Variants in NEK11 observed in about 807,000 individuals in gnomAD.
NEK11 encodes serine/threonine-protein kinase Nek11.
A neutral mutation model predicts 80.7 loss-of-function variants in NEK11; 72 were observed. The ratio of observed to expected loss-of-function variants is 0.89; its 90% CI spans 0.74 to 1.08. The LOEUF is 1.08. Among genes scored for constraint, NEK11 ranks in the 50% least tolerant of loss-of-function variants. NEK11 has a pLI of 0.00. For missense variants in NEK11, 764 were observed against 763.6 expected, an observed-to-expected ratio of 1.00 and a Z score of -0.01; for synonymous variants, 251 against 260.7, an observed-to-expected ratio of 0.96 and a Z score of 0.36.
intron 12 of NEK11, among the ~76,000 whole-genome samples, chr3:131,168,006 T>C (rs1325754941): frequency 6.6e-6 from 1 of 152,252 alleles, no homozygotes; most frequent in Non-Finnish European, 1.5e-5. Flanking sequence ...TAGATGGCTG[T>C]TGAGTCTGTT....
rs1222429175 is a variant in NEK11, at chr3:131,334,113, T to C, written c.1719-15444T>C. 6.6e-5 allele frequency among the ~76,000 whole-genome samples: 10 copies of C among 152,248 alleles called. No individual in the cohort carries two copies. The South Asian group carries it at 1.7e-3, about 25-fold the overall frequency. ...GAATTGAACTCAGCTCTGCACCAAG[T>C]GGACCTAATAGACATCTACAGAACT... is the stretch of plus-strand genomic sequence containing the variant. On this transcript the variant is annotated intron_variant, in intron 17 of 17. Coordinates refer to ENST00000383366, the MANE Select transcript of NEK11 (RefSeq NM_024800.5).
At chr3:131,243,800 C>T (rs2095554469) in intron 16 of NEK11, among the ~76,000 whole-genome samples, 1 of 152,056 alleles carries the variant, frequency 6.6e-6, no homozygotes, top group Admixed American at 6.6e-5. Context: ...GAAAAAGGAA[C>T]CTCCCTACCT....
At chr3:131,152,101 T>C (rs1333725575) in intron 7 of NEK11, among the ~76,000 whole-genome samples, 1 of 152,186 alleles carries the variant, frequency 6.6e-6, no homozygotes, top group Non-Finnish European at 1.5e-5. Flanking sequence ...CTTAGAATTC[T>C]TACTATGTGC....
chr3:131,281,788 C>T (rs767083680), intron 17 of NEK11, among the ~76,000 whole-genome samples: 1 of 152,134 alleles, frequency 6.6e-6, no homozygotes, highest in Non-Finnish European at 1.5e-5. Context: ...GTCTGTCTGC[C>T]TATCTATCTA....
chr3:131,256,462 C>T (rs1455256815), intron 16 of NEK11, among the ~76,000 whole-genome samples: 1 of 152,092 alleles, frequency 6.6e-6, no homozygotes, highest in Non-Finnish European at 1.5e-5. Context: ...TCTACAAAGA[C>T]TATGCACCAA....
intron 6 of NEK11, chr3:131,133,167 C>G (rs989010361): frequency 4.6e-6 from 2 of 435,050 alleles, no homozygotes; most frequent in African/African-American, 2.1e-5. Context: ...ACAGGTTTCT[C>G]ATTTATATTA....
At chr3:131,090,916 C>G (rs2076647870) in intron 4 of NEK11, among the ~76,000 whole-genome samples, 1 of 152,146 alleles carries the variant, frequency 6.6e-6, no homozygotes, top group African/African-American at 2.4e-5. Context: ...AGGCATGACA[C>G]CAGGCTGGGC....
chr3:131,117,275 C>A (rs1431319131), intron 5 of NEK11, among the ~76,000 whole-genome samples: 1 of 152,144 alleles, frequency 6.6e-6, no homozygotes, highest in Non-Finnish European at 1.5e-5. Flanking sequence ...TGTCAAAGAT[C>A]AGATAGTTGT....
intron 14 of NEK11, among the ~76,000 whole-genome samples, chr3:131,183,816 G>C (rs2093478803): frequency 6.6e-6 from 1 of 152,098 alleles, no homozygotes; most frequent in Admixed American, 6.6e-5. Context: ...GGGATTGCTG[G>C]GTCAAATGGT....
chr3:131,109,654 C>T, intron 4 of NEK11, 149 bp from the exon 5 acceptor site: 1 of 814,370 alleles, frequency 1.2e-6, no homozygotes. Flanking sequence ...CCTGGATAGA[C>T]TTTGATTAAA....
intron 14 of NEK11, among the ~76,000 whole-genome samples, chr3:131,212,190 CTGTT>C (rs780624893): frequency 9.9e-5 from 15 of 152,200 alleles, no homozygotes; most frequent in Non-Finnish European, 1.9e-4. Context: ...CTATTTCTTT[CTGTT>C]TGTTAGTTTT....
At chr3:131,318,171 G>T (rs915786926) in intron 17 of NEK11, among the ~76,000 whole-genome samples, 1 of 152,130 alleles carries the variant, frequency 6.6e-6, no homozygotes. Context: ...AGGAAGAAGA[G>T]GTGGGAAGGG....
At chr3:131,209,872 T>C (rs1190511499) in intron 14 of NEK11, among the ~76,000 whole-genome samples, 1 of 152,214 alleles carries the variant, frequency 6.6e-6, no homozygotes, top group Non-Finnish European at 1.5e-5. Context: ...GATTCTTCTC[T>C]CTTTTCTTCT....
At chr3:131,340,099 G>A (rs570971522) in intron 17 of NEK11, among the ~76,000 whole-genome samples, 1 of 152,208 alleles carries the variant, frequency 6.6e-6, no homozygotes, top group South Asian at 2.1e-4. Flanking sequence ...GGGGAAATCT[G>A]AATGTTTCCA....
intron 14 of NEK11, among the ~76,000 whole-genome samples, chr3:131,182,992 G>A (rs1340710162): frequency 6.6e-6 from 1 of 152,072 alleles, no homozygotes; most frequent in East Asian, 1.9e-4. Flanking sequence ...TGCATAAGCA[G>A]TTGCTTATGA....
At chr3:131,196,957 G>A (rs1047882843) in intron 14 of NEK11, among the ~76,000 whole-genome samples, 3 of 151,614 alleles carry the variant, frequency 2.0e-5, no homozygotes, top group Non-Finnish European at 4.4e-5. Context: ...TGGCTCCAAT[G>A]CCTGGGTTTA....
intron 15 of NEK11, among the ~76,000 whole-genome samples, chr3:131,240,613 T>C (rs745952892): frequency 3.0e-4 from 45 of 152,256 alleles, no homozygotes; most frequent in Non-Finnish European, 5.7e-4. Flanking sequence ...ATACAGTCTA[T>C]CGATGTCATC....
Position 131,125,158 on chromosome 3 carries a change from A to G in NEK11, c.456-7587A>G, listed in dbSNP as rs139837335. 3.1e-3 allele frequency among the ~76,000 whole-genome samples: 470 copies of G among 152,240 alleles called. 1 individual carries two copies. Among genetic ancestry groups the G allele is most frequent in the African/African-American group, 0.011 (447 of 41,530 alleles). On this transcript the variant is annotated intron_variant, in intron 5 of 17. Coordinates refer to ENST00000383366, the MANE Select transcript of NEK11 (RefSeq NM_024800.5). ...GGGGAAATTCTCACTATCATATCCA[A>G]TTCTTCACTTTATATGCTGATTTTA...
At chr3:131,264,093 T>A (rs2095995120) in intron 16 of NEK11, among the ~76,000 whole-genome samples, 1 of 152,204 alleles carries the variant, frequency 6.6e-6, no homozygotes, top group South Asian at 2.1e-4. Flanking sequence ...GTTTAAGTTC[T>A]TTGTAGATTC....
Sources: allele counts gnomAD v4.1 joint callset (sites outside exome capture counted in the v4.1 genomes callset), GRCh38; gene constraint gnomAD v4.1.1; transcripts MANE v1.5; gene names NCBI Gene and HGNC (gene_info 2026-07-23, HGNC 2026-07-21).